The following TCF3 variants were observed in gnomAD, a reference collection of about 807,000 sequenced individuals.
TCF3 encodes transcription factor 3, also known as transcription factor E2-alpha.
TCF3 carries 54 observed loss-of-function variants against 72.3 expected under a neutral mutation model. That is an observed-to-expected ratio of 0.75 (90% confidence interval 0.60 to 0.94). The LOEUF is 0.94. Ranked by LOEUF, TCF3 falls within the 40% of genes least tolerant of loss-of-function variation. The probability of loss-of-function intolerance (pLI) is 0.00; values close to 1 mark genes in which losing one functional copy is unlikely to be tolerated. For missense variants in TCF3, 1,078 were observed against 934.4 expected, an observed-to-expected ratio of 1.15 and a Z score of -2.00; for synonymous variants, 525 against 412.6, an observed-to-expected ratio of 1.27 and a Z score of -3.30.
In TCF3 at chr19:1,623,221, G is replaced by A. The variant is rs115113423; in HGVS notation, c.549+730C>T. ...GCAGAGGGTGGTTGGTGGCTACTGAGCCAGGGAATCGGCAAATTCCCTCTC... is the reference window on the plus strand; with the variant it reads ...GCAGAGGGTGGTTGGTGGCTACTGAACCAGGGAATCGGCAAATTCCCTCTC... On this transcript the variant is annotated intron_variant, in intron 8 of 18. Coordinates refer to ENST00000262965, the MANE Select transcript of TCF3 (RefSeq NM_003200.5). 6.0e-3 allele frequency among the ~76,000 whole-genome samples: 909 copies of A among 152,200 alleles called. 13 individuals are homozygous for A. The highest frequency in any genetic ancestry group is 0.021 in the African/African-American group (859 of 41,508).
chr19:1,651,769 G>A lies in TCF3; in HGVS notation c.-40+531C>T, dbSNP rs1179902175. ...CGCAGCGCGGCCGCCGCCTCGCCCCGCATTAACGCGGAGCAGATGTTACCC... is the reference window on the plus strand; with the variant it reads ...CGCAGCGCGGCCGCCGCCTCGCCCCACATTAACGCGGAGCAGATGTTACCC... On this transcript the variant is annotated intron_variant, in intron 1 of 18. Coordinates refer to ENST00000262965, the MANE Select transcript of TCF3 (RefSeq NM_003200.5). Among the ~76,000 whole-genome samples the A allele has an allele frequency of 4.0e-5, 6 of 151,760 alleles. No homozygotes were observed. In the East Asian group the frequency reaches 5.9e-4, roughly 15 times the overall value.
In TCF3 at chr19:1,610,557, G is replaced by A. The variant is rs3746112; in HGVS notation, c.*1150C>T. ...AGGAGGTCCCCAGCACCGGGCTCCA[G>A]GGTGTGGTCCCCATGCCAGGGGTCA... is the stretch of plus-strand genomic sequence containing the variant. On this transcript the variant is annotated 3_prime_UTR_variant, in exon 19 of 19. Transcript: ENST00000262965. 6.9e-3 allele frequency: 1,606 copies of A among 231,782 alleles called. 37 individuals are homozygous for A. The highest frequency in any genetic ancestry group is 0.047 in the Admixed American group (831 of 17,734). The allele number at this position is 231,782 out of a possible 1,614,324, so 14.4% of individuals were successfully genotyped here.
At chr19:1,618,649 C>T (rs986550232) in intron 16 of TCF3, among the ~76,000 whole-genome samples, 4 of 152,198 alleles carry the variant, frequency 2.6e-5, no homozygotes, top group African/African-American at 9.7e-5. Flanking sequence ...CAGGTACTTG[C>T]CTACTCTTGC....
rs770865437 is a variant in TCF3 at position 1,615,488 on chromosome 19, G to C, written c.1619C>G (p.Pro540Arg). The change falls in exon 18 of 19, where the codon CCA becomes CGA. Residue 540 changes from proline to arginine, a missense_variant. By Grantham distance (103) the Pro-to-Arg change is moderately radical. Coordinates refer to ENST00000262965, the MANE Select transcript of TCF3 (RefSeq NM_003200.5). The surrounding 1 kb of genome is among the most constrained non-coding windows in gnomAD (Gnocchi z 7.3). ...PDEDEDDLLP[P>R]EQKAEREKER... ...CTTCTCCCGCTCGGCCTTCTGCTCT[G>C]GGGGGAGAAGGTCGTCCTCGTCCTC... 1 of 1,610,630 alleles carries C rather than the reference G, an allele frequency of 6.2e-7. No individual in the cohort carries two copies. Among genetic ancestry groups the C allele is most frequent in the African/African-American group, 1.3e-5 (1 of 75,052 alleles).
At chr19:1,612,141 C>T (rs1363475792) in intron 18 of TCF3, 2 of 1,474,294 alleles carry the variant, frequency 1.4e-6, no homozygotes, top group African/African-American at 2.8e-5. Context: ...CAGGAGGACC[C>T]CAGCATCTGC....
chr19:1,647,416 C>T (rs968619760), intron 2 of TCF3, among the ~76,000 whole-genome samples: 3 of 152,230 alleles, frequency 2.0e-5, no homozygotes, highest in South Asian at 2.1e-4. Context: ...AGCCAGGAGG[C>T]GAAGGCACAG....
At chr19:1,619,579 C>T (rs559088950) in intron 14 of TCF3, 105 bp from the exon 15 acceptor site, 3 of 1,448,390 alleles carry the variant, frequency 2.1e-6, no homozygotes, top group African/African-American at 2.8e-5. Context: ...CCATCTTCCC[C>T]TTCCCCAGGA....
intron 6 of TCF3, among the ~76,000 whole-genome samples, chr19:1,626,705 T>C (rs1308206931): frequency 6.6e-6 from 1 of 151,980 alleles, no homozygotes; most frequent in Non-Finnish European, 1.5e-5. Flanking sequence ...GGCCCCTCGT[T>C]GCGGGGACTG....
At chr19:1,618,997 G>A (rs1326246013) in intron 16 of TCF3, 114 bp downstream of exon 16, 2 of 1,526,906 alleles carry the variant, frequency 1.3e-6, no homozygotes, top group Non-Finnish European at 1.8e-6. Flanking sequence ...CATGTCACCA[G>A]GTGCCCCCAC....
intron 3 of TCF3, among the ~76,000 whole-genome samples, chr19:1,642,600 T>G (rs1406267680): frequency 6.6e-6 from 1 of 152,066 alleles, no homozygotes; most frequent in Non-Finnish European, 1.5e-5. Context: ...ACCACCGCCC[T>G]CTATTAAACA....
At chr19:1,625,761 C>G (rs999761800) in intron 6 of TCF3, 53 bp from the exon 7 acceptor site, 1 of 1,438,974 alleles carries the variant, frequency 6.9e-7, no homozygotes, top group African/African-American at 1.5e-5. Context: ...AGACCCCAGG[C>G]TGTTCCATTC....
chr19:1,612,256 G>A lies in TCF3; in HGVS notation c.1823-407C>T, dbSNP rs1178312495. 2.5e-6 allele frequency: 4 copies of A among 1,610,406 alleles called. No individual in the cohort carries two copies. The highest frequency in any genetic ancestry group is 3.3e-5 in the Admixed American group (2 of 59,824). On this transcript the variant is annotated intron_variant, in intron 18 of 18. Transcript: ENST00000262965. ...GGATGACCTGCACGGCCTGCTGCAG[G>A]ATGAGCAGCTTGGTCTGCGCTTTGT...
chr19:1,627,421 T>G lies in TCF3; in HGVS notation c.304A>C (p.Ser102Arg), dbSNP rs1235205803. The G allele has an allele frequency of 6.2e-7, 1 of 1,611,934 alleles. No homozygotes were observed. The highest frequency in any genetic ancestry group is 1.7e-5 in the Admixed American group (1 of 59,932). The change falls in exon 6 of 19, where the codon AGC becomes CGC. Residue 102 changes from serine (S) to arginine (R), a missense_variant. Coordinates refer to ENST00000262965, the MANE Select transcript of TCF3 (RefSeq NM_003200.5). ...GAGGCATAGGCGCCCCGCTCACCGCTCTTGCCTGCAAGGGGAGAAGGAAGG... is the reference window on the plus strand; with the variant it reads ...GAGGCATAGGCGCCCCGCTCACCGCGCTTGCCTGCAAGGGGAGAAGGAAGG... The part of the protein sequence containing the change: ...TFLGPGLGGK[S>R]GERGAYASFG...
rs1403034620 is a variant in TCF3, at chr19:1,609,868, G to C, written c.*1839C>G. On this transcript the variant is annotated 3_prime_UTR_variant, in exon 19 of 19. Transcript: ENST00000262965. ...CTGGGGGTAACGGTGGGAGTCTCAGGAGTGGCACGGGGGGAGACGCCCGAC... is the reference window on the plus strand; with the variant it reads ...CTGGGGGTAACGGTGGGAGTCTCAGCAGTGGCACGGGGGGAGACGCCCGAC... 4.3e-6 allele frequency: 1 copy of C among 232,316 alleles called. No homozygotes were observed. Among genetic ancestry groups the C allele is most frequent in the Non-Finnish European group, 8.5e-6 (1 of 117,640 alleles). 14.4% of individuals were successfully genotyped at this position (232,316 alleles called of 1,614,324 possible). A position where few individuals can be genotyped will look rare whatever the true frequency, so the allele number is the denominator to read the frequency against.
At chr19:1,626,790 T>A (rs1393917825) in intron 6 of TCF3, among the ~76,000 whole-genome samples, 1 of 152,122 alleles carries the variant, frequency 6.6e-6, no homozygotes, top group African/African-American at 2.4e-5. Flanking sequence ...TGGCTACTGT[T>A]GCTCTGGCTT....
Position 1,622,345 on chromosome 19 carries a change from C to T in TCF3, c.620G>A (p.Ser207Asn). The T allele has an allele frequency of 2.1e-6, 3 of 1,436,398 alleles. No homozygotes were observed. Among genetic ancestry groups the T allele is most frequent in the Non-Finnish European group, 2.8e-6 (3 of 1,080,082 alleles). The allele number at this position is 1,436,398 out of a possible 1,614,324, so 89.0% of individuals were successfully genotyped here. ...GTAGAAGGGGGCGGGATAGGTGCTG[C>T]TGGGGGTCTTGGCGGACGGGTAGGC... ...ATAYPSAKTPSSTYPAPFYVA... is the reference protein window; with the variant it reads ...ATAYPSAKTPNSTYPAPFYVA... The change falls in exon 9 of 19, where the codon AGC (serine) becomes AAC (asparagine). Residue 207 changes from serine (S) to asparagine (N), a missense_variant. By Grantham distance (46) the Ser-to-Asn change is conservative. Transcript: ENST00000262965.
chr19:1,651,475 C>CT (rs2067041558), intron 1 of TCF3: 1 of 225,106 alleles, frequency 4.4e-6, no homozygotes, highest in Non-Finnish European at 8.9e-6. Flanking sequence ...CGAAACCGCA[C>CT]TTTTTTGTGG....
chr19:1,622,460 C>A, intron 8 of TCF3, 45 bp from the exon 9 acceptor site: 2 of 1,042,756 alleles, frequency 1.9e-6, no homozygotes, highest in Non-Finnish European at 2.7e-6. Context: ...GACGGAGGGA[C>A]CACGATCAGC....
intron 3 of TCF3, among the ~76,000 whole-genome samples, chr19:1,644,970 G>A (rs867718272): frequency 2.0e-5 from 3 of 152,206 alleles, no homozygotes; most frequent in East Asian, 1.9e-4. Context: ...GGCTGTTTCC[G>A]GGGGGCTGGC....
Sources: gnomAD v4.1 joint callset for allele counts (sites outside exome capture counted in the v4.1 genomes callset) on GRCh38, gnomAD v4.1.1 for gene constraint, Gnocchi (gnomAD v3.1) non-coding constraint, MANE v1.5 for transcripts, NCBI Gene and HGNC (gene_info 2026-07-23, HGNC 2026-07-21) for gene names.